MACROD2: variants seen among roughly 807,000 people sequenced by gnomAD.
MACROD2 encodes mono-ADP ribosylhydrolase 2, also known as ADP-ribose glycohydrolase MACROD2.
MACROD2 carries 36 observed loss-of-function variants against 70.4 expected under a neutral mutation model. The observed-to-expected ratio is 0.51, with a 90% CI of 0.39 to 0.68. MACROD2 has a LOEUF of 0.68. Ranked by LOEUF, MACROD2 falls within the 30% of genes least tolerant of loss-of-function variation. The probability of loss-of-function intolerance (pLI) is 0.00; values close to 1 mark genes in which losing one functional copy is unlikely to be tolerated. For missense variants in MACROD2, 496 were observed against 538.4 expected (o/e 0.92, Z 0.78); for synonymous variants, 172 against 178.8 (o/e 0.96, Z 0.30).
At chr20:14,761,945 C>T (rs1000685850) in intron 5 of MACROD2, among the ~76,000 whole-genome samples, 1 of 152,144 alleles carries the variant, frequency 6.6e-6, no homozygotes, top group Non-Finnish European at 1.5e-5. Context: ...CAATCTGAAT[C>T]ATCACCATGT....
chr20:14,487,464 C>T (rs568558981), intron 3 of MACROD2, among the ~76,000 whole-genome samples: 17 of 152,256 alleles, frequency 1.1e-4, no homozygotes, highest in African/African-American at 3.9e-4. Context: ...GGAATTGGAG[C>T]TAGGTCTGCT....
intron 5 of MACROD2, among the ~76,000 whole-genome samples, chr20:14,817,737 G>A (rs1407793101): frequency 6.6e-6 from 1 of 152,128 alleles, no homozygotes; most frequent in East Asian, 1.9e-4. Context: ...CTTGGAAATG[G>A]TTTAAAACCA....
chr20:15,106,618 C>T (rs80091564), intron 5 of MACROD2, among the ~76,000 whole-genome samples: 2,381 of 152,262 alleles, frequency 0.016, 61 homozygotes, highest in African/African-American at 0.055. Flanking sequence ...CCCTTAAGAT[C>T]CTCTCCTAGC....
At chr20:14,820,912 C>T (rs913926794) in intron 5 of MACROD2, among the ~76,000 whole-genome samples, 4 of 151,966 alleles carry the variant, frequency 2.6e-5, no homozygotes, top group African/African-American at 7.3e-5. Flanking sequence ...TCATTATGCC[C>T]GGATGATGTG....
intron 8 of MACROD2, among the ~76,000 whole-genome samples, chr20:15,651,274 T>C (rs565218561): frequency 9.2e-5 from 14 of 152,312 alleles, no homozygotes; most frequent in Non-Finnish European, 1.3e-4. Flanking sequence ...AGTGTTTAAA[T>C]TGGATTTCTG....
In MACROD2 at chr20:15,559,118, A is replaced by AT. The variant is rs1171950876; in HGVS notation, c.645+59271_645+59272insT. Among the ~76,000 whole-genome samples the AT allele has an allele frequency of 1.1e-4, 17 of 151,252 alleles. 1 individual carries two copies. The East Asian group carries it at 3.4e-3, about 30-fold the overall frequency. On this transcript the variant is annotated intron_variant, in intron 8 of 17. Transcript: ENST00000684519. ...GGCGCACGCCTGTAGTCCCAGCTAC[A>AT]CGGGAGGCTGAGGCAGGAGAATGGC... is the stretch of plus-strand genomic sequence containing the variant.
At chr20:16,021,470 C>T (rs932203243) in intron 15 of MACROD2, among the ~76,000 whole-genome samples, 13 of 152,236 alleles carry the variant, frequency 8.5e-5, no homozygotes, top group African/African-American at 2.6e-4. Flanking sequence ...GTCCAGGGTG[C>T]GCAGCTAGTA....
intron 5 of MACROD2, among the ~76,000 whole-genome samples, chr20:14,798,657 A>C (rs1300833360): frequency 6.6e-6 from 1 of 152,126 alleles, no homozygotes; most frequent in Non-Finnish European, 1.5e-5. Context: ...TTTATAATTT[A>C]GGAAGTAAAT....
At chr20:14,659,034 G>A (rs772762141) in intron 4 of MACROD2, among the ~76,000 whole-genome samples, 4 of 152,246 alleles carry the variant, frequency 2.6e-5, no homozygotes, top group Non-Finnish European at 4.4e-5. Context: ...TTTCTGATTC[G>A]GTAGGTCTGG....
chr20:15,983,877 T>C (rs1292411835), intron 13 of MACROD2, among the ~76,000 whole-genome samples: 1 of 152,264 alleles, frequency 6.6e-6, no homozygotes, highest in African/African-American at 2.4e-5. Context: ...CTTTAACTTC[T>C]ATGATCCTTT....
intron 8 of MACROD2, among the ~76,000 whole-genome samples, chr20:15,578,345 G>A (rs372556723): frequency 3.3e-5 from 5 of 152,066 alleles, no homozygotes; most frequent in African/African-American, 7.2e-5. Flanking sequence ...ATTTTTTGCC[G>A]GGTGACTTAG....
At chr20:15,953,192 A>G (rs762210430) in intron 12 of MACROD2, among the ~76,000 whole-genome samples, 1 of 152,110 alleles carries the variant, frequency 6.6e-6, no homozygotes, top group Non-Finnish European at 1.5e-5. Flanking sequence ...GTAGTTCAGG[A>G]TACTAGAGGC....
intron 4 of MACROD2, among the ~76,000 whole-genome samples, chr20:14,513,927 A>T (rs149277596): frequency 0.015 from 2,296 of 152,156 alleles, 65 homozygotes; most frequent in African/African-American, 0.053. Flanking sequence ...AAACAAGAAT[A>T]AAAAAACACT....
intron 4 of MACROD2, among the ~76,000 whole-genome samples, chr20:14,542,737 A>T (rs1396310741): frequency 6.6e-6 from 1 of 152,220 alleles, no homozygotes; most frequent in Non-Finnish European, 1.5e-5. Context: ...AGCACAATAG[A>T]ATAGTCATGG....
chr20:14,841,902 C>A (rs1279419049), intron 5 of MACROD2, among the ~76,000 whole-genome samples: 1 of 152,042 alleles, frequency 6.6e-6, no homozygotes, highest in Admixed American at 6.6e-5. Context: ...CCCTTTCCTA[C>A]CCCATTTAGA....
At chr20:14,227,734 G>A (rs894022908) in intron 3 of MACROD2, among the ~76,000 whole-genome samples, 2 of 152,248 alleles carry the variant, frequency 1.3e-5, no homozygotes, top group African/African-American at 4.8e-5. Context: ...CTTTTTTTAG[G>A]GTCTGCTGGG....
At chr20:14,845,612 C>T (rs1366062034) in intron 5 of MACROD2, among the ~76,000 whole-genome samples, 2 of 152,058 alleles carry the variant, frequency 1.3e-5, no homozygotes, top group African/African-American at 4.8e-5. Flanking sequence ...CAAAGGAGAG[C>T]AGAATGCATT....
intron 3 of MACROD2, among the ~76,000 whole-genome samples, chr20:14,249,968 T>C (rs2122266971): frequency 6.6e-6 from 1 of 152,196 alleles, no homozygotes; most frequent in Non-Finnish European, 1.5e-5. Flanking sequence ...GAAGCAGGAC[T>C]TTGGAGCAGG....
chr20:15,290,030 G>A (rs1286234594), intron 6 of MACROD2, among the ~76,000 whole-genome samples: 1 of 152,268 alleles, frequency 6.6e-6, no homozygotes, highest in African/African-American at 2.4e-5. Context: ...CTCTGAATCT[G>A]TTTACTCATA....
Sources: allele counts gnomAD v4.1 joint callset (sites outside exome capture counted in the v4.1 genomes callset), GRCh38; gene constraint gnomAD v4.1.1; transcripts MANE v1.5; gene names NCBI Gene and HGNC (gene_info 2026-07-23, HGNC 2026-07-21).